The following MARK2 variants were observed in gnomAD, a reference collection of about 807,000 sequenced individuals.
MARK2 encodes the protein serine/threonine-protein kinase MARK2.
MARK2 carries 16 observed loss-of-function variants against 89.8 expected under a neutral mutation model. That is an observed-to-expected ratio of 0.18 (90% CI 0.12 to 0.27). The LOEUF (loss-of-function observed/expected upper bound fraction) is 0.27, where lower values mean the gene tolerates loss of function less well. MARK2 is among the 10% of genes least tolerant of loss of function. The probability of loss-of-function intolerance (pLI) is 1.00; values close to 1 mark genes in which losing one functional copy is unlikely to be tolerated. For synonymous variants in MARK2, 382 were observed against 399.5 expected (o/e 0.96, Z 0.52); for missense variants, 621 against 1,049.9 (o/e 0.59, Z 5.65).
Position 63,900,502 on chromosome 11 carries a change from G to C in MARK2, c.769-57G>C. 2 of 1,590,536 alleles carry C rather than the reference G, an allele frequency of 1.3e-6. No individual in the cohort carries two copies. Among genetic ancestry groups the C allele is most frequent in the Admixed American group, 1.8e-5 (1 of 56,520 alleles). On this transcript the variant is annotated intron_variant, in intron 8 of 18. Transcript: ENST00000402010. This position sits in a 1 kb window ranked among gnomAD's most constrained non-coding sequence, Gnocchi z 4.7. ...AAGCTCTCAGGATCTTGGATATTAG[G>C]TTTCTTCCTTTGGCCTTGGGGTGAT...
intron 1 of MARK2, among the ~76,000 whole-genome samples, chr11:63,863,984 C>T (rs1351721613): frequency 2.6e-5 from 4 of 152,002 alleles, no homozygotes; most frequent in Non-Finnish European, 4.4e-5. Flanking sequence ...GACTGAGTCT[C>T]GCTTTGTCGC....
intron 17 of MARK2, 55 bp downstream of exon 17, chr11:63,906,169 T>C: frequency 8.0e-7 from 1 of 1,257,276 alleles, no homozygotes; most frequent in South Asian, 3.6e-5. Flanking sequence ...GTGTCCTGTG[T>C]CCTGCCTCCA....
intron 1 of MARK2, among the ~76,000 whole-genome samples, chr11:63,889,410 C>G (rs1403916675): frequency 2.0e-5 from 3 of 152,256 alleles, no homozygotes; most frequent in Non-Finnish European, 4.4e-5. Context: ...CCAAAGGACA[C>G]TTGAAGCCAG....
At chr11:63,881,259 C>G (rs1263103998) in intron 1 of MARK2, among the ~76,000 whole-genome samples, 1 of 151,900 alleles carries the variant, frequency 6.6e-6, no homozygotes, top group Non-Finnish European at 1.5e-5. Flanking sequence ...CAGCCGAGAT[C>G]ACGCCACTGC....
chr11:63,843,003 G>A (rs1333123049), intron 1 of MARK2, among the ~76,000 whole-genome samples: 2 of 151,542 alleles, frequency 1.3e-5, no homozygotes, highest in East Asian at 3.9e-4. Context: ...GTGAAAGTAG[G>A]AGATTAAAAA....
chr11:63,893,558 A>G (rs1244567179), intron 1 of MARK2, among the ~76,000 whole-genome samples: 1 of 151,700 alleles, frequency 6.6e-6, no homozygotes, highest in Non-Finnish European at 1.5e-5. Context: ...TCTCTTTTGT[A>G]TATACTGAGG....
intron 16 of MARK2, 25 bp from the exon 17 acceptor site, chr11:63,906,063 G>A: frequency 4.5e-6 from 6 of 1,335,952 alleles, no homozygotes; most frequent in Non-Finnish European, 4.8e-6. Flanking sequence ...TTTTTATTTT[G>A]TCTTTTTTTT....
chr11:63,842,987 A>G (rs1016903254), intron 1 of MARK2, among the ~76,000 whole-genome samples: 1 of 152,066 alleles, frequency 6.6e-6, no homozygotes, highest in East Asian at 1.9e-4. Flanking sequence ...CACTTCGCTT[A>G]TAACAGTGAA....
chr11:63,881,114 G>A (rs1939061680), intron 1 of MARK2, among the ~76,000 whole-genome samples: 2 of 151,798 alleles, frequency 1.3e-5, no homozygotes, highest in South Asian at 4.2e-4. Flanking sequence ...GACCAGCCTG[G>A]CCAACATGGT....
chr11:63,872,876 C>T (rs1052944638), intron 1 of MARK2, among the ~76,000 whole-genome samples: 103 of 150,598 alleles, frequency 6.8e-4, no homozygotes, highest in South Asian at 1.5e-3. Context: ...TCCTCTCCCC[C>T]ACTTCTCCCT....
At chr11:63,852,673 T>TA (rs550449276) in intron 1 of MARK2, among the ~76,000 whole-genome samples, 1,131 of 102,564 alleles carry the variant, frequency 0.011, 12 homozygotes, top group African/African-American at 0.034. Flanking sequence ...AAATAAGAAC[T>TA]AAAAAAAAAA....
intron 1 of MARK2, among the ~76,000 whole-genome samples, chr11:63,875,117 ATTT>A (rs35168603): frequency 6.4e-5 from 8 of 125,568 alleles, no homozygotes; most frequent in Admixed American, 7.9e-5. Flanking sequence ...TGCCCAGCTA[ATTT>A]TTTTTTTTTT....
chr11:63,908,356 C>A, intron 18 of MARK2, 52 bp downstream of exon 18: 1 of 1,432,878 alleles, frequency 7.0e-7, no homozygotes, highest in Non-Finnish European at 9.6e-7. Context: ...GGGCTTGCCA[C>A]AGCCTCCTGC....
In MARK2 at chr11:63,909,883, G is replaced by GGGGCTGCTCCGGGGCTGC. The variant is rs1941639610; in HGVS notation, c.*647_*664dup. ...CGCAGCCCTGCAGTGGGTGGGGCTGGGGGCTGCTCCGGGGCTGCTGAGGCT... is the reference window on the plus strand; with the variant it reads ...CGCAGCCCTGCAGTGGGTGGGGCTGGGGGCTGCTCCGGGGCTGCGGGCTGCTCCGGGGCTGCTGAGGCT... On this transcript the variant is annotated 3_prime_UTR_variant, in exon 19 of 19. Transcript: ENST00000402010. The GGGGCTGCTCCGGGGCTGC allele has an allele frequency of 6.5e-6, 1 of 152,844 alleles. No individual in the cohort carries two copies. The highest frequency in any genetic ancestry group is 1.5e-5 in the Non-Finnish European group (1 of 68,584). 9.5% of individuals were successfully genotyped at this position (152,844 alleles called of 1,614,324 possible).
chr11:63,844,555 T>G (rs2016185276), intron 1 of MARK2, among the ~76,000 whole-genome samples: 1 of 152,222 alleles, frequency 6.6e-6, no homozygotes, highest in Admixed American at 6.5e-5. Context: ...ATAAGACAGT[T>G]GTTGAAACTC....
chr11:63,893,190 T>A (rs1358104683), intron 1 of MARK2, among the ~76,000 whole-genome samples: 1 of 150,594 alleles, frequency 6.6e-6, no homozygotes, highest in East Asian at 2.0e-4. Context: ...TCTTAATTTC[T>A]TAATTTTTTG....
chr11:63,888,314 C>T (rs1389242017), intron 1 of MARK2, among the ~76,000 whole-genome samples: 2 of 152,152 alleles, frequency 1.3e-5, no homozygotes, highest in Non-Finnish European at 1.5e-5. Context: ...ACACATGTTC[C>T]TCCCCAGCCC....
intron 1 of MARK2, among the ~76,000 whole-genome samples, chr11:63,892,467 T>C (rs1193218610): frequency 6.6e-6 from 1 of 152,126 alleles, no homozygotes; most frequent in African/African-American, 2.4e-5. Flanking sequence ...TAGCAAGTCA[T>C]TCTTTTTTTC....
chr11:63,872,053 C>T (rs1591019199), intron 1 of MARK2, among the ~76,000 whole-genome samples: 3 of 152,208 alleles, frequency 2.0e-5, no homozygotes, highest in South Asian at 2.1e-4. Context: ...CTCCTGCCAC[C>T]GGAGGTTCTG....
Sources: gnomAD v4.1 joint callset for allele counts (sites outside exome capture counted in the v4.1 genomes callset) on GRCh38, gnomAD v4.1.1 for gene constraint, Gnocchi (gnomAD v3.1) non-coding constraint, MANE v1.5 for transcripts, NCBI Gene and HGNC (gene_info 2026-07-23, HGNC 2026-07-21) for gene names.